The following TEX30 variants were observed in gnomAD, a reference collection of about 807,000 sequenced individuals.
The protein encoded by TEX30 is testis-expressed protein 30.
TEX30 carries 14 observed loss-of-function variants against 23.8 expected under a neutral mutation model. That is an observed-to-expected ratio of 0.59 (90% confidence interval 0.39 to 0.92). The LOEUF (loss-of-function observed/expected upper bound fraction) is 0.92. TEX30 is among the 40% of genes least tolerant of loss of function. The pLI is 0.00. For synonymous variants in TEX30, 78 were observed against 90.2 expected (o/e 0.87, Z 0.76); for missense variants, 246 against 270.6 (o/e 0.91, Z 0.64).
rs548406557 is a variant in TEX30, at chr13:102,767,524, C to T, written c.299-46G>A. ...GTTCAGTTTGAAATATAAACTTTCA[C>T]ATAAAGTAGCAGTGATGGTGTGGCA... On this transcript the variant is annotated intron_variant, in intron 4 of 5. Coordinates refer to ENST00000376032, the MANE Select transcript of TEX30 (RefSeq NM_138779.5). The T allele has an allele frequency of 4.2e-5, 66 of 1,582,590 alleles. 1 individual carries two copies. The East Asian group carries it at 1.5e-3, about 35-fold the overall frequency.
intron 1 of TEX30, among the ~76,000 whole-genome samples, chr13:102,772,730 C>T (rs969547350): frequency 3.3e-5 from 5 of 152,316 alleles, no homozygotes; most frequent in East Asian, 1.9e-4. Context: ...CGTCCGCCAC[C>T]GCGCCCAGCT....
Position 102,770,482 on chromosome 13 carries a change from C to T in TEX30, c.-60-396G>A, listed in dbSNP as rs577554577. Among the ~76,000 whole-genome samples, 6 of 152,238 alleles carry T rather than the reference C, an allele frequency of 3.9e-5. No homozygotes were observed. The South Asian group carries it at 1.2e-3, about 32-fold the overall frequency. On this transcript the variant is annotated intron_variant, in intron 1 of 5. Coordinates refer to ENST00000376032, the MANE Select transcript of TEX30 (RefSeq NM_138779.5). ...ACCCATTTTCTTCATCATTATAGTT[C>T]CCAAGCCTACCCATCCACATCTTGT... is the stretch of plus-strand genomic sequence containing the variant.
At chr13:102,771,612 T>C (rs1277363219) in intron 1 of TEX30, among the ~76,000 whole-genome samples, 2 of 152,200 alleles carry the variant, frequency 1.3e-5, no homozygotes, top group Non-Finnish European at 2.9e-5. Flanking sequence ...GTTTTGGAAG[T>C]TGAGTGAGAC....
At chr13:102,770,254 G>T in intron 1 of TEX30, 168 bp from the exon 2 acceptor site, 1 of 362,964 alleles carries the variant, frequency 2.8e-6, no homozygotes, top group African/African-American at 2.1e-5. Flanking sequence ...TGGTTAGAGG[G>T]CCAGGTGCAG....
chr13:102,772,868 G>A (rs1043619235), intron 1 of TEX30, among the ~76,000 whole-genome samples: 10 of 148,124 alleles, frequency 6.8e-5, no homozygotes, highest in African/African-American at 2.2e-4. Context: ...CCAGGCCACT[G>A]TCGTCTGGGT....
chr13:102,767,165 G>T, intron 5 of TEX30, 108 bp downstream of exon 5: 2 of 1,156,300 alleles, frequency 1.7e-6, no homozygotes, highest in Non-Finnish European at 2.4e-6. Context: ...ACTAGCATTA[G>T]TCAAATTAGC....
chr13:102,771,636 G>T (rs977087788), intron 1 of TEX30, among the ~76,000 whole-genome samples: 9 of 152,204 alleles, frequency 5.9e-5, no homozygotes, highest in Admixed American at 1.3e-4. Context: ...GGAGATGAAA[G>T]ACTTCAAGCT....
At position 102,766,349 on chromosome 13, in the gene TEX30, CTCT is replaced by C. The variant is rs1261745736; in HGVS notation, c.*49_*51del. 71 of 1,474,618 alleles carry C rather than the reference CTCT, an allele frequency of 4.8e-5. No individual in the cohort carries two copies. Among genetic ancestry groups the C allele is most frequent in the African/African-American group, 7.0e-5 (5 of 71,676 alleles). The allele number at this position is 1,474,618 out of a possible 1,614,324, so 91.3% of individuals were successfully genotyped here. Reference sequence around the variant, plus strand: ...ATATCTCACAATGCTGAGAGGCATACTCTTCTTTATCAAATTAACTGTATGTGT... The same window carrying C: ...ATATCTCACAATGCTGAGAGGCATACTCTTTATCAAATTAACTGTATGTGT... On this transcript the variant is annotated 3_prime_UTR_variant, in exon 6 of 6. Coordinates refer to ENST00000376032, the MANE Select transcript of TEX30 (RefSeq NM_138779.5).
At position 102,768,331 on chromosome 13, in the gene TEX30, A is replaced by ATGG. The variant is rs775249916; in HGVS notation, c.247-21_247-20insCCA. On this transcript the variant is annotated intron_variant, in intron 3 of 5. Transcript: ENST00000376032. ...GTAATTCTAGAAAAATAAAAAAATC[A>ATGG]TCAGTTCTTCACCTATAAAATATTC... 3.2e-6 allele frequency: 5 copies of ATGG among 1,566,618 alleles called. No homozygotes were observed. The highest frequency in any genetic ancestry group is 4.3e-6 in the Non-Finnish European group (5 of 1,151,218).
chr13:102,766,685 A>C, intron 5 of TEX30, 105 bp from the exon 6 acceptor site: 1 of 1,112,030 alleles, frequency 9.0e-7, no homozygotes, highest in Non-Finnish European at 1.2e-6. Context: ...GTATTCATTA[A>C]ATGCTTTCTC....
chr13:102,767,355 T>C lies in TEX30; in HGVS notation c.422A>G (p.His141Arg), dbSNP rs751773294. Reference sequence around the variant, plus strand: ...AAAGAGGTCTTCATCTCTGAGTTTATGCTGCTGCTTTGGATGGTGCAGTGG... The same window carrying C: ...AAAGAGGTCTTCATCTCTGAGTTTACGCTGCTGCTTTGGATGGTGCAGTGG... ...SYPLHHPKQQHKLRDEDLFRL... is the reference protein window; with the variant it reads ...SYPLHHPKQQRKLRDEDLFRL... Residue 141 changes from histidine to arginine, a missense_variant, in exon 5 of 6, where the codon CAT (histidine) becomes CGT (arginine). Coordinates refer to ENST00000376032, the MANE Select transcript of TEX30 (RefSeq NM_138779.5). The C allele has an allele frequency of 9.9e-6, 16 of 1,614,178 alleles. No individual in the cohort carries two copies. The highest frequency in any genetic ancestry group is 1.2e-5 in the Non-Finnish European group (14 of 1,180,026).
At chr13:102,771,872 GCAC>G (rs1877347022) in intron 1 of TEX30, among the ~76,000 whole-genome samples, 1 of 152,176 alleles carries the variant, frequency 6.6e-6, no homozygotes, top group African/African-American at 2.4e-5. Flanking sequence ...CCCACCTTCT[GCAC>G]CACACCACCT....
intron 2 of TEX30, 131 bp from the exon 3 acceptor site, chr13:102,769,672 T>G: frequency 1.6e-6 from 1 of 627,020 alleles, no homozygotes; most frequent in South Asian, 2.1e-5. Context: ...AGTAGTGATA[T>G]TAATAATAGT....
In TEX30 at chr13:102,767,463, G is replaced by C. The variant is rs1408203548; in HGVS notation, c.314C>G (p.Ser105Ter). The C allele has an allele frequency of 6.2e-7, 1 of 1,614,088 alleles. No individual in the cohort carries two copies. Among genetic ancestry groups the C allele is most frequent in the Non-Finnish European group, 8.5e-7 (1 of 1,180,008 alleles). ...GVFLGGRSMG[S>*]RAAASVMCHI... Reference sequence around the variant, plus strand: ...ACACATTACAGAAGCAGCTGCTCTTGAGCCCATTGAACGACCTAAAATCAA... The same window carrying C: ...ACACATTACAGAAGCAGCTGCTCTTCAGCCCATTGAACGACCTAAAATCAA... Residue 105 changes from serine to a stop codon, truncating the protein, a stop_gained, in exon 5 of 6, where the codon TCA (serine) becomes TGA (stop). Transcript: ENST00000376032. LOFTEE classifies it high-confidence loss of function.
In TEX30 at chr13:102,766,574, A is replaced by T. The variant is rs140990079; in HGVS notation, c.511T>A (p.Leu171Met). The change falls in exon 6 of 6, where the codon TTG (leucine) becomes ATG (methionine). Residue 171 changes from leucine to methionine, a missense_variant. Transcript: ENST00000376032. ...SADEMCEKNL[L>M]EKVAQKMQAP... is the part of the protein sequence containing the mutation. ...TGCATTTTCTGTGCCACTTTCTCCA[A>T]CAAGTTCTAAAGAGAAAAAGAAGAG... The T allele has an allele frequency of 2.9e-4, 460 of 1,612,914 alleles. 2 individuals are homozygous for T. Among genetic ancestry groups the T allele is most frequent in the South Asian group, 2.6e-3 (233 of 90,774 alleles).
chr13:102,773,124 A>C (rs1424449008), intron 1 of TEX30, among the ~76,000 whole-genome samples: 1 of 152,250 alleles, frequency 6.6e-6, no homozygotes, highest in Non-Finnish European at 1.5e-5. Flanking sequence ...AGCCCCTTCA[A>C]CTTTCAGTTA....
In TEX30 at chr13:102,769,427, G is replaced by A. The variant is rs1162793070; in HGVS notation, c.130C>T (p.Leu44Phe). The A allele has an allele frequency of 5.0e-6, 8 of 1,610,864 alleles. No homozygotes were observed. The highest frequency in any genetic ancestry group is 6.8e-6 in the Non-Finnish European group (8 of 1,178,888). The change falls in exon 3 of 6, where the codon CTT becomes TTT. Residue 44 changes from leucine to phenylalanine, a missense_variant. By Grantham distance (22) the Leu-to-Phe change is conservative. Coordinates refer to ENST00000376032, the MANE Select transcript of TEX30 (RefSeq NM_138779.5). ...GATGCCAGTGACATCAAATGAGGAAGATTCATATCTCCTGATGCTCCATGT... is the reference window on the plus strand; with the variant it reads ...GATGCCAGTGACATCAAATGAGGAAAATTCATATCTCCTGATGCTCCATGT... The part of the protein sequence containing the change: ...LTHGASGDMN[L>F]PHLMSLASHL...
rs749034638 is a variant in TEX30 at position 102,769,409 on chromosome 13, G to A, written c.148C>T (p.Leu50=). 6.2e-6 allele frequency: 10 copies of A among 1,609,822 alleles called. No individual in the cohort carries two copies. The highest frequency in any genetic ancestry group is 2.2e-5 in the East Asian group (1 of 44,728). The change falls in exon 3 of 6, where the codon CTG becomes TTG. Residue 50 remains leucine (L), a synonymous_variant. Coordinates refer to ENST00000376032, the MANE Select transcript of TEX30 (RefSeq NM_138779.5). ...CCATGAGATGCAAGATGGGATGCCA[G>A]TGACATCAAATGAGGAAGATTCATA... ...GDMNLPHLMS[L]ASHLASHGFF... is the part of the protein sequence containing the mutation.
chr13:102,769,337 T>C lies in TEX30; in HGVS notation c.220A>G (p.Arg74Gly). 1 of 1,556,674 alleles carries C rather than the reference T, an allele frequency of 6.4e-7. No individual in the cohort carries two copies. The highest frequency in any genetic ancestry group is 2.3e-5 in the East Asian group (1 of 43,300). ...FTCKGLNIVH[R>G]IKAYKSVLNY... ...AAAACTGATTTATACGCCTTAATTC[T>C]ATGTACAATATTAAGGCCTTTACAG... Residue 74 changes from arginine (R) to glycine (G), a missense_variant, in exon 3 of 6, where the codon AGA (arginine) becomes GGA (glycine). Physicochemically the swap from Arg to Gly is moderately radical, Grantham distance 125 (BLOSUM62 -2). Coordinates refer to ENST00000376032, the MANE Select transcript of TEX30 (RefSeq NM_138779.5).
Sources: allele counts gnomAD v4.1 joint callset (sites outside exome capture counted in the v4.1 genomes callset), GRCh38; gene constraint gnomAD v4.1.1; transcripts MANE v1.5; gene names NCBI Gene and HGNC (gene_info 2026-07-23, HGNC 2026-07-21).